Variants in CCDC66 observed in about 807,000 individuals in gnomAD.
The protein encoded by CCDC66 is coiled-coil domain containing 66.
Under a neutral mutation model 128.3 loss-of-function variants are expected in CCDC66, and 133 were observed. That is an observed-to-expected ratio of 1.04 (90% CI 0.90 to 1.20). The LOEUF is 1.20. Ranked by LOEUF, CCDC66 falls within the 50% of genes most tolerant of loss-of-function variation. The pLI, the probability that CCDC66 is intolerant of heterozygous loss-of-function variation, is 0.00. For synonymous variants in CCDC66, 387 were observed against 357.0 expected (o/e 1.08, Z -0.95); for missense variants, 1,126 against 1,075.5 (o/e 1.05, Z -0.66).
Position 56,593,700 on chromosome 3 carries a change from A to C in CCDC66, c.1278A>C (p.Lys426Asn). The C allele has an allele frequency of 6.2e-7, 1 of 1,614,102 alleles. No individual in the cohort carries two copies. The highest frequency in any genetic ancestry group is 1.1e-5 in the South Asian group (1 of 91,082). ...CTTCAGAGGAGGAGCATATAGCAAA[A>C]CCTATTAAGGATGTGGTTATGGCAA... is the stretch of plus-strand genomic sequence containing the variant. ...VEPSEEEHIAKPIKDVVMANS... is the reference protein window; with the variant it reads ...VEPSEEEHIANPIKDVVMANS... The change falls in exon 9 of 18, where the codon AAA becomes AAC. Residue 426 changes from lysine (K) to asparagine (N), a missense_variant. Lys to Asn is a moderately conservative substitution (Grantham distance 94, BLOSUM62 0). Transcript: ENST00000394672.
intron 16 of CCDC66, 64 bp from the exon 17 acceptor site, chr3:56,619,713 T>C: frequency 3.2e-6 from 5 of 1,575,106 alleles, no homozygotes; most frequent in Middle Eastern, 3.4e-4. Context: ...CAATATTATA[T>C]AGCACAGGGC....
chr3:56,620,700 C>T (rs575985122), intron 17 of CCDC66: 97 of 152,236 alleles, frequency 6.4e-4, no homozygotes, highest in African/African-American at 2.1e-3. Flanking sequence ...TTTAGAGTGA[C>T]GAAGTGTTAG....
chr3:56,584,575 G>C (rs1345175038), intron 7 of CCDC66, among the ~76,000 whole-genome samples: 2 of 151,338 alleles, frequency 1.3e-5, no homozygotes, highest in Non-Finnish European at 2.9e-5. Flanking sequence ...AGATGGGATG[G>C]CGGCCGGGAA....
intron 1 of CCDC66, among the ~76,000 whole-genome samples, chr3:56,558,310 T>A (rs1577171226): frequency 1.3e-5 from 2 of 152,348 alleles, no homozygotes; most frequent in East Asian, 3.9e-4. Context: ...ACTTTATGCC[T>A]TTGCTTCTGA....
rs1260094440 is a variant in CCDC66, at chr3:56,599,314, G to C, written c.1404+5286G>C. Among the ~76,000 whole-genome samples, 5 of 151,878 alleles carry C rather than the reference G, an allele frequency of 3.3e-5. No homozygotes were observed. In the East Asian group the frequency reaches 9.7e-4, roughly 29 times the overall value. ...TTGGGTCTTCTCTCTTCGGTTCTTG[G>C]TTAGTCTATCAAGTAGCTTATTGGT... On this transcript the variant is annotated intron_variant, in intron 10 of 17. Transcript: ENST00000394672.
intron 7 of CCDC66, among the ~76,000 whole-genome samples, chr3:56,583,411 A>G (rs1462862711): frequency 2.6e-5 from 4 of 151,856 alleles, no homozygotes; most frequent in African/African-American, 7.2e-5. Context: ...CAAGTGAACA[A>G]AGGTCTCTGG....
chr3:56,565,792 A>G (rs935790659), intron 4 of CCDC66, among the ~76,000 whole-genome samples: 1 of 147,776 alleles, frequency 6.8e-6, no homozygotes, highest in East Asian at 2.1e-4. Context: ...TCAGCCTCCC[A>G]AGTACCTGGG....
intron 10 of CCDC66, among the ~76,000 whole-genome samples, chr3:56,606,801 CT>C (rs2074137634): frequency 6.6e-6 from 1 of 152,026 alleles, no homozygotes. Context: ...CTGAATCCAT[CT>C]TGAGTTGATT....
intron 6 of CCDC66, 81 bp from the exon 7 acceptor site, chr3:56,571,100 G>A: frequency 9.9e-7 from 1 of 1,013,962 alleles, no homozygotes; most frequent in Non-Finnish European, 1.4e-6. Flanking sequence ...GTTGGTATCT[G>A]CATTAAGAAG....
chr3:56,606,258 T>G (rs2074053109), intron 10 of CCDC66, among the ~76,000 whole-genome samples: 1 of 152,068 alleles, frequency 6.6e-6, no homozygotes, highest in South Asian at 2.1e-4. Context: ...GCTCCCTGGC[T>G]TCCGCCCCCT....
chr3:56,589,226 T>C (rs999567853), intron 7 of CCDC66, among the ~76,000 whole-genome samples: 2 of 152,252 alleles, frequency 1.3e-5, no homozygotes, highest in Non-Finnish European at 1.5e-5. Flanking sequence ...TAGAAAAACA[T>C]AGATTACTAA....
chr3:56,620,737 A>C (rs1235646896), intron 17 of CCDC66: 3 of 152,208 alleles, frequency 2.0e-5, no homozygotes, highest in African/African-American at 7.2e-5. Flanking sequence ...TGGAGACAAA[A>C]ATTGTGAGAT....
At chr3:56,589,800 C>T (rs548627549) in intron 7 of CCDC66, among the ~76,000 whole-genome samples, 175 of 152,160 alleles carry the variant, frequency 1.2e-3, no homozygotes, top group Non-Finnish European at 2.0e-3. Flanking sequence ...TTTTTAAAAA[C>T]TAAACATTCA....
chr3:56,577,796 G>C (rs1045395852), intron 7 of CCDC66, among the ~76,000 whole-genome samples: 6 of 151,858 alleles, frequency 4.0e-5, no homozygotes, highest in African/African-American at 1.4e-4. Context: ...TTTGGTACCA[G>C]TACCATGCTG....
chr3:56,593,961 C>G lies in CCDC66; in HGVS notation c.1337C>G (p.Thr446Ser), dbSNP rs147703952. The change falls in exon 10 of 18, where the codon ACT (threonine) becomes AGT (serine). Residue 446 changes from threonine to serine, a missense_variant. Transcript: ENST00000394672. The stretch of plus-strand genomic sequence containing the variant: ...CTTGCCAGCTTTCTCCGTTCTATGA[C>G]TGCTCTCTTGGACCCAGCTCAGATT... ...SKKTNFLRSMTALLDPAQIEE... is the reference protein window; with the variant it reads ...SKKTNFLRSMSALLDPAQIEE... 1.2e-5 allele frequency: 20 copies of G among 1,614,054 alleles called. No individual in the cohort carries two copies. Among genetic ancestry groups the G allele is most frequent in the Non-Finnish European group, 1.4e-5 (17 of 1,180,016 alleles).
Position 56,563,760 on chromosome 3 carries a change from C to T in CCDC66, c.179C>T (p.Thr60Ile), listed in dbSNP as rs2065436264. The T allele has an allele frequency of 1.6e-5, 25 of 1,551,744 alleles. No homozygotes were observed. Among genetic ancestry groups the T allele is most frequent in the Non-Finnish European group, 2.1e-5 (24 of 1,146,950 alleles). The change falls in exon 4 of 18, where the codon ACT (threonine) becomes ATT (isoleucine). Residue 60 changes from threonine (T) to isoleucine (I), a missense_variant. Transcript: ENST00000394672. ...TGHILKSTQDTCIGSEKLLQK... is the reference protein window; with the variant it reads ...TGHILKSTQDICIGSEKLLQK... ...CACATTCTAAAATCAACACAAGATA[C>T]TTGTATTGGGAGTGAAAAACTTTTG...
intron 10 of CCDC66, among the ~76,000 whole-genome samples, chr3:56,606,273 A>G (rs2074055742): frequency 6.6e-6 from 1 of 151,998 alleles, no homozygotes; most frequent in Non-Finnish European, 1.5e-5. Context: ...CCCCCTTTCC[A>G]GGAGAGTGAA....
chr3:56,580,620 C>T (rs559931602), intron 7 of CCDC66, among the ~76,000 whole-genome samples: 2 of 151,926 alleles, frequency 1.3e-5, no homozygotes, highest in East Asian at 2.0e-4. Flanking sequence ...GACAAAATCT[C>T]TCAGCATTTG....
intron 7 of CCDC66, 128 bp from the exon 8 acceptor site, chr3:56,592,842 T>TA: frequency 2.3e-6 from 2 of 863,384 alleles, no homozygotes; most frequent in Non-Finnish European, 3.7e-6. Context: ...CGTTTGAAGT[T>TA]ATTGCTCCTC....
Sources: gnomAD v4.1 joint callset for allele counts (sites outside exome capture counted in the v4.1 genomes callset) on GRCh38, gnomAD v4.1.1 for gene constraint, MANE v1.5 for transcripts, NCBI Gene and HGNC (gene_info 2026-07-23, HGNC 2026-07-21) for gene names.